Variants in SNAP29 observed in about 807,000 individuals in gnomAD.
SNAP29 encodes synaptosome associated protein 29.
A neutral mutation model predicts 27.9 loss-of-function variants in SNAP29; 13 were observed. That is an observed-to-expected ratio of 0.47 (90% confidence interval 0.30 to 0.74). The LOEUF is 0.74. SNAP29 is among the 30% of genes least tolerant of loss of function. SNAP29 has a pLI of 0.06. For missense variants in SNAP29, 368 were observed against 336.5 expected (o/e 1.09, Z -0.73); for synonymous variants, 119 against 127.1 (o/e 0.94, Z 0.43).
At chr22:20,870,700 T>C in intron 2 of SNAP29, 167 bp downstream of exon 2, 1 of 696,918 alleles carries the variant, frequency 1.4e-6, no homozygotes, top group Non-Finnish European at 2.6e-6. Context: ...GAACTGTTCT[T>C]CCCTGATCCC....
At chr22:20,878,565 G>A (rs1032771097) in intron 2 of SNAP29, among the ~76,000 whole-genome samples, 3 of 151,872 alleles carry the variant, frequency 2.0e-5, no homozygotes, top group African/African-American at 2.4e-5. Flanking sequence ...GTGACAGAGC[G>A]AGACTATGTC....
chr22:20,881,964 G>A (rs1472117842), intron 3 of SNAP29, among the ~76,000 whole-genome samples: 1 of 152,098 alleles, frequency 6.6e-6, no homozygotes, highest in African/African-American at 2.4e-5. Context: ...TGGGTCCAGT[G>A]TCATCACAAA....
chr22:20,889,262 A>G lies in SNAP29; in HGVS notation c.*1426A>G, dbSNP rs1929095365. On this transcript the variant is annotated 3_prime_UTR_variant, in exon 5 of 5. Coordinates refer to ENST00000215730, the MANE Select transcript of SNAP29 (RefSeq NM_004782.4). ...ACAGTGGTGTCTCAAAGCAAAGGAA[A>G]CCTCCACAAGTGCTGCAACAGTGCA... The G allele has an allele frequency of 6.6e-6, 1 of 152,070 alleles. No homozygotes were observed. Among genetic ancestry groups the G allele is most frequent in the Admixed American group, 6.6e-5 (1 of 15,248 alleles). The allele number at this position is 152,070 out of a possible 1,614,324, so 9.4% of individuals were successfully genotyped here.
Position 20,868,592 on chromosome 22 carries a change from T to A in SNAP29, c.238-1745T>A, listed in dbSNP as rs187566957. Among the ~76,000 whole-genome samples the A allele has an allele frequency of 1.4e-3, 213 of 150,384 alleles. 2 individuals are homozygous for A. The highest frequency in any genetic ancestry group is 9.4e-4 in the Non-Finnish European group (64 of 67,770). ...TTAAAATTTTTTTTGACTTTGTTTT[T>A]AGGCATCAAGAGAGAATATATCTAA... is the stretch of plus-strand genomic sequence containing the variant. On this transcript the variant is annotated intron_variant, in intron 1 of 4. Coordinates refer to ENST00000215730, the MANE Select transcript of SNAP29 (RefSeq NM_004782.4).
At chr22:20,885,623 A>AGGAAGAGG in intron 4 of SNAP29, among the ~76,000 whole-genome samples, 1 of 152,314 alleles carries the variant, frequency 6.6e-6, no homozygotes, top group Admixed American at 6.5e-5. Context: ...GAGGAAGGAT[A>AGGAAGAGG]CTGCATTCAG....
rs929740564 is a variant in SNAP29, at chr22:20,870,656, A to G, written c.434+123A>G. Reference sequence around the variant, plus strand: ...CCAACAACCCTTTAAGTTACTCATCAGGGGATATTTGTCCTCAAACATTGT... The same window carrying G: ...CCAACAACCCTTTAAGTTACTCATCGGGGGATATTTGTCCTCAAACATTGT... On this transcript the variant is annotated intron_variant, in intron 2 of 4. Coordinates refer to ENST00000215730, the MANE Select transcript of SNAP29 (RefSeq NM_004782.4). 19 of 872,220 alleles carry G rather than the reference A, an allele frequency of 2.2e-5. No individual in the cohort carries two copies. The African/African-American group carries it at 2.5e-4, about 11-fold the overall frequency. 54.0% of individuals were successfully genotyped at this position (872,220 alleles called of 1,614,324 possible). A position where few individuals can be genotyped will look rare whatever the true frequency, so the allele number is the denominator to read the frequency against.
intron 1 of SNAP29, among the ~76,000 whole-genome samples, chr22:20,866,491 A>G (rs1487976092): frequency 1.3e-5 from 2 of 152,202 alleles, no homozygotes; most frequent in Non-Finnish European, 2.9e-5. Flanking sequence ...CGAGCTCAGT[A>G]TGAGAAACAC....
chr22:20,873,666 A>G (rs1928649884), intron 2 of SNAP29, among the ~76,000 whole-genome samples: 1 of 151,918 alleles, frequency 6.6e-6, no homozygotes. Flanking sequence ...CCCCGTCTCT[A>G]CAGAAAAACA....
chr22:20,886,358 AG>A (rs1929015786), intron 4 of SNAP29, among the ~76,000 whole-genome samples: 1 of 152,052 alleles, frequency 6.6e-6, no homozygotes, highest in African/African-American at 2.4e-5. Flanking sequence ...CCCAGGCTAG[AG>A]TGCAGTGGCA....
chr22:20,874,856 A>G (rs1328413542), intron 2 of SNAP29, among the ~76,000 whole-genome samples: 1 of 151,982 alleles, frequency 6.6e-6, no homozygotes, highest in Non-Finnish European at 1.5e-5. Flanking sequence ...GCCACATTTA[A>G]TTGCCATAGG....
At chr22:20,887,287 T>G (rs1201057820) in intron 4 of SNAP29, among the ~76,000 whole-genome samples, 1 of 151,978 alleles carries the variant, frequency 6.6e-6, no homozygotes, top group Non-Finnish European at 1.5e-5. Flanking sequence ...TAAGCCTTTG[T>G]GTATCCTGAT....
At position 20,870,323 on chromosome 22, in the gene SNAP29, C is replaced by T. The variant is rs755830647; in HGVS notation, c.238-14C>T. The T allele has an allele frequency of 6.2e-7, 1 of 1,613,886 alleles. No homozygotes were observed. Among genetic ancestry groups the T allele is most frequent in the African/African-American group, 1.3e-5 (1 of 74,896 alleles). On this transcript the variant is annotated splice_polypyrimidine_tract_variant and intron_variant, in intron 1 of 4. Coordinates refer to ENST00000215730, the MANE Select transcript of SNAP29 (RefSeq NM_004782.4). The stretch of plus-strand genomic sequence containing the variant: ...ACAGAAAGCTATAATGCCACTGCCT[C>T]TCGGTTTCCCCAGGAGCTCGCCCGT...
intron 2 of SNAP29, among the ~76,000 whole-genome samples, chr22:20,874,060 G>A (rs1224043129): frequency 6.6e-6 from 1 of 151,162 alleles, no homozygotes; most frequent in East Asian, 1.9e-4. Context: ...CGGAGCACGA[G>A]GTCAGGAGAT....
rs537067283 is a variant in SNAP29 at position 20,890,514 on chromosome 22, T to C, written c.*2678T>C. 3.8e-4 allele frequency: 146 copies of C among 389,126 alleles called. No homozygotes were observed. The highest frequency in any genetic ancestry group is 1.2e-3 in the Admixed American group (28 of 22,410). 24.1% of individuals were successfully genotyped at this position (389,126 alleles called of 1,614,324 possible). On this transcript the variant is annotated 3_prime_UTR_variant, in exon 5 of 5. Coordinates refer to ENST00000215730, the MANE Select transcript of SNAP29 (RefSeq NM_004782.4). ...GGCTCATGCCTGTAATCCCAGTGCT[T>C]TGGGAGGCCAAGGCGGGGGGATCAC...
intron 2 of SNAP29, among the ~76,000 whole-genome samples, chr22:20,871,678 C>A (rs191000432): frequency 1.3e-5 from 2 of 152,134 alleles, no homozygotes; most frequent in Non-Finnish European, 2.9e-5. Flanking sequence ...GTCAGGAAAT[C>A]AAGACCATCC....
rs566301557 is a variant in SNAP29 at position 20,874,402 on chromosome 22, T to A, written c.434+3869T>A. ...ACACACACACACACACACACGAAAA[T>A]TAGCCGGACATGGTGGTACGTGCTT... On this transcript the variant is annotated intron_variant, in intron 2 of 4. Coordinates refer to ENST00000215730, the MANE Select transcript of SNAP29 (RefSeq NM_004782.4). Among the ~76,000 whole-genome samples the A allele has an allele frequency of 1.3e-3, 176 of 139,262 alleles. 1 individual carries two copies. Among genetic ancestry groups the A allele is most frequent in the South Asian group, 6.8e-3 (30 of 4,382 alleles). 91.4% of individuals were successfully genotyped at this position (139,262 alleles called of 152,430 possible).
At chr22:20,887,282 C>T (rs1236425546) in intron 4 of SNAP29, among the ~76,000 whole-genome samples, 1 of 151,702 alleles carries the variant, frequency 6.6e-6, no homozygotes, top group African/African-American at 2.4e-5. Context: ...AGTGCTAAGC[C>T]TTTGTGTATC....
intron 1 of SNAP29, among the ~76,000 whole-genome samples, chr22:20,865,603 T>G (rs1928439551): frequency 6.6e-6 from 1 of 152,134 alleles, no homozygotes; most frequent in African/African-American, 2.4e-5. Flanking sequence ...GTGGGAAGTG[T>G]TGTAGGGAGG....
At position 20,859,093 on chromosome 22, in the gene SNAP29, G is replaced by C. The variant is rs201996986; in HGVS notation, c.-18G>C. The stretch of plus-strand genomic sequence containing the variant: ...GGCTCCTCCTTCTGTTTCCCAGACC[G>C]AGAGCCGCGCCGGCACCATGTCAGC... On this transcript the variant is annotated 5_prime_UTR_variant, in exon 1 of 5. Coordinates refer to ENST00000215730, the MANE Select transcript of SNAP29 (RefSeq NM_004782.4). 1 of 1,583,376 alleles carries C rather than the reference G, an allele frequency of 6.3e-7. No individual in the cohort carries two copies. Among genetic ancestry groups the C allele is most frequent in the Non-Finnish European group, 8.6e-7 (1 of 1,157,934 alleles).
Sources: allele counts gnomAD v4.1 joint callset (sites outside exome capture counted in the v4.1 genomes callset), GRCh38; gene constraint gnomAD v4.1.1; transcripts MANE v1.5; gene names NCBI Gene and HGNC (gene_info 2026-07-23, HGNC 2026-07-21).